The following DGKB variants were observed in gnomAD, a reference collection of about 807,000 sequenced individuals.
DGKB encodes the protein 90 kDa diacylglycerol kinase.
Under a neutral mutation model 114.3 loss-of-function variants are expected in DGKB, and 67 were observed. The ratio of observed to expected loss-of-function variants is 0.59; its 90% confidence interval spans 0.48 to 0.72. DGKB has a LOEUF of 0.72. Among genes scored for constraint, DGKB ranks in the 30% least tolerant of loss-of-function variants. DGKB has a pLI of 0.00. For synonymous variants in DGKB, 398 were observed against 323.1 expected, an observed-to-expected ratio of 1.23 and a Z score of -2.49; for missense variants, 907 against 975.2, an observed-to-expected ratio of 0.93 and a Z score of 0.93.
chr7:14,191,849 G>T, intron 23 of DGKB: 1 of 495,356 alleles, frequency 2.0e-6, no homozygotes, highest in South Asian at 1.5e-5. Flanking sequence ...CCCTGTACTG[G>T]ATTGTCACAC....
chr7:14,489,866 C>A (rs557949442), intron 20 of DGKB, among the ~76,000 whole-genome samples: 3 of 151,998 alleles, frequency 2.0e-5, no homozygotes, highest in East Asian at 3.9e-4. Context: ...CTCAAAGGCG[C>A]GGGAGGATAT....
chr7:14,543,938 T>C (rs1793886619), intron 20 of DGKB, among the ~76,000 whole-genome samples: 1 of 152,226 alleles, frequency 6.6e-6, no homozygotes, highest in Non-Finnish European at 1.5e-5. Flanking sequence ...AATGTGCATT[T>C]AAGAATAAAT....
At chr7:14,297,327 C>G (rs1016144322) in intron 23 of DGKB, among the ~76,000 whole-genome samples, 1 of 152,096 alleles carries the variant, frequency 6.6e-6, no homozygotes, top group Non-Finnish European at 1.5e-5. Flanking sequence ...CAAACCAAAT[C>G]CAGCAGCACT....
At chr7:14,789,266 A>G (rs891081658) in intron 2 of DGKB, among the ~76,000 whole-genome samples, 7 of 152,134 alleles carry the variant, frequency 4.6e-5, no homozygotes, top group Admixed American at 3.3e-4. Flanking sequence ...CTGTCACCAC[A>G]AAGGTCCTTC....
Position 14,935,359 on chromosome 7 carries a change from A to G in DGKB, c.-188+39337T>C, listed in dbSNP as rs1319032711. Among the ~76,000 whole-genome samples the G allele has an allele frequency of 3.9e-5, 6 of 152,166 alleles. No individual in the cohort carries two copies. In the East Asian group the frequency reaches 1.2e-3, roughly 29 times the overall value. On this transcript the variant is annotated intron_variant, in intron 1 of 4. Coordinates refer to the DGKB transcript ENST00000437998. ...CGCCAAGGCTTAATAACAGGCGTCAATGATTAGAATGCCAACCAAAATGGT... is the reference window on the plus strand; with the variant it reads ...CGCCAAGGCTTAATAACAGGCGTCAGTGATTAGAATGCCAACCAAAATGGT...
chr7:14,896,122 T>C (rs1330036728), intron 1 of DGKB, among the ~76,000 whole-genome samples: 3 of 151,884 alleles, frequency 2.0e-5, no homozygotes, highest in Non-Finnish European at 4.4e-5. Context: ...AGAGATCATA[T>C]TTCCCCAACA....
intron 5 of DGKB, among the ~76,000 whole-genome samples, chr7:14,731,411 T>C (rs1335694079): frequency 1.3e-5 from 2 of 152,152 alleles, no homozygotes; most frequent in African/African-American, 4.8e-5. Context: ...AAGTCATGTG[T>C]TGAAATGAGA....
At chr7:14,492,324 G>C (rs1336993083) in intron 20 of DGKB, among the ~76,000 whole-genome samples, 1 of 151,934 alleles carries the variant, frequency 6.6e-6, no homozygotes, top group Non-Finnish European at 1.5e-5. Flanking sequence ...TGAGGAGGTA[G>C]CTATTGTCTA....
At chr7:14,687,935 A>G (rs560734830) in intron 9 of DGKB, among the ~76,000 whole-genome samples, 3 of 152,208 alleles carry the variant, frequency 2.0e-5, no homozygotes, top group Non-Finnish European at 4.4e-5. Flanking sequence ...TCCATTACCC[A>G]GGCATAAAAT....
intron 21 of DGKB, among the ~76,000 whole-genome samples, chr7:14,460,672 C>T (rs1832951683): frequency 6.6e-6 from 1 of 152,084 alleles, no homozygotes; most frequent in South Asian, 2.1e-4. Context: ...TTGAACACCC[C>T]ACTGTCAATA....
intron 20 of DGKB, among the ~76,000 whole-genome samples, chr7:14,485,878 T>A (rs1046760560): frequency 1.6e-5 from 2 of 125,650 alleles, no homozygotes; most frequent in Non-Finnish European, 3.3e-5. Context: ...GTAACAAGAA[T>A]AAAACTCCAT....
intron 1 of DGKB, among the ~76,000 whole-genome samples, chr7:14,971,697 T>C (rs1673898120): frequency 6.6e-6 from 1 of 151,984 alleles, no homozygotes; most frequent in African/African-American, 2.4e-5. Flanking sequence ...GAAAATCTTT[T>C]ATTTTTATTT....
chr7:14,600,313 A>G (rs1162968889), intron 17 of DGKB, among the ~76,000 whole-genome samples: 2 of 152,162 alleles, frequency 1.3e-5, no homozygotes, highest in Admixed American at 6.5e-5. Flanking sequence ...ATATGATTGC[A>G]TTGGTGATTA....
chr7:14,225,600 C>G (rs1218675490), intron 23 of DGKB, among the ~76,000 whole-genome samples: 5 of 151,802 alleles, frequency 3.3e-5, no homozygotes, highest in Non-Finnish European at 1.5e-5. Flanking sequence ...GTGGCTAAGG[C>G]CACATAAGCA....
intron 1 of DGKB, among the ~76,000 whole-genome samples, chr7:14,876,218 G>A (rs1853262004): frequency 1.3e-5 from 2 of 151,944 alleles, no homozygotes; most frequent in South Asian, 2.1e-4. Context: ...GTGACACAAC[G>A]ACCCAAAAGT....
intron 21 of DGKB, among the ~76,000 whole-genome samples, chr7:14,437,080 C>T (rs1013786145): frequency 3.3e-5 from 5 of 151,980 alleles, no homozygotes. Flanking sequence ...GAACTGCAAC[C>T]TCAGCAAACT....
intron 6 of DGKB, among the ~76,000 whole-genome samples, chr7:14,708,493 G>T (rs1393423875): frequency 6.6e-6 from 1 of 150,528 alleles, no homozygotes; most frequent in Non-Finnish European, 1.5e-5. Context: ...CCAAAAGAGA[G>T]ACGGCATCGC....
intron 1 of DGKB, among the ~76,000 whole-genome samples, chr7:14,885,069 G>C (rs1562810577): frequency 6.6e-6 from 1 of 151,904 alleles, no homozygotes; most frequent in African/African-American, 2.4e-5. Context: ...GCCTTGATTG[G>C]TTTAGACGAT....
chr7:14,619,689 G>A (rs1345596415), intron 15 of DGKB, among the ~76,000 whole-genome samples: 3 of 151,630 alleles, frequency 2.0e-5, no homozygotes, highest in African/African-American at 7.2e-5. Flanking sequence ...ACTCTAGTCA[G>A]ATGGTCTTCA....
Sources: gnomAD v4.1 joint callset for allele counts (sites outside exome capture counted in the v4.1 genomes callset) on GRCh38, gnomAD v4.1.1 for gene constraint, MANE v1.5 for transcripts, NCBI Gene and HGNC (gene_info 2026-07-23, HGNC 2026-07-21) for gene names.